XPO6: variants seen among roughly 807,000 people sequenced by gnomAD.
XPO6 encodes exportin 6, also known as exportin-6.
A neutral mutation model predicts 130.0 loss-of-function variants in XPO6; 3 were observed. The ratio of observed to expected loss-of-function variants is 0.02; its 90% confidence interval spans 0.01 to 0.06. The LOEUF (loss-of-function observed/expected upper bound fraction) is 0.06, where lower values mean the gene tolerates loss of function less well. Among genes scored for constraint, XPO6 ranks in the 10% least tolerant of loss-of-function variants. The pLI is 1.00. For synonymous variants in XPO6, 524 were observed against 548.9 expected, an observed-to-expected ratio of 0.95 and a Z score of 0.63; for missense variants, 970 against 1,393.0, an observed-to-expected ratio of 0.70 and a Z score of 4.83.
At chr16:28,181,146 T>C in intron 1 of XPO6, 115 bp from the exon 2 acceptor site, 1 of 730,284 alleles carries the variant, frequency 1.4e-6, no homozygotes, top group Non-Finnish European at 2.2e-6. Flanking sequence ...AAAATCTTGG[T>C]TCAACATTCT....
intron 1 of XPO6, chr16:28,183,253 A>T (rs1182554818): frequency 6.6e-6 from 1 of 152,182 alleles, no homozygotes; most frequent in Non-Finnish European, 1.5e-5. Context: ...TCTCTGCCCC[A>T]ACCCAAGAAG....
intron 1 of XPO6, among the ~76,000 whole-genome samples, chr16:28,208,224 T>C (rs2044064751): frequency 6.6e-6 from 1 of 152,258 alleles, no homozygotes; most frequent in Non-Finnish European, 1.5e-5. Context: ...GTAGTTTTTA[T>C]CACATTACGC....
At chr16:28,177,867 G>T (rs933461820) in intron 2 of XPO6, among the ~76,000 whole-genome samples, 1 of 152,188 alleles carries the variant, frequency 6.6e-6, no homozygotes, top group Non-Finnish European at 1.5e-5. Context: ...TCTTCATTTG[G>T]GTTGGTTTTA....
rs1207582858 is a variant in XPO6 at position 28,101,350 on chromosome 16, G to C, written c.3276+108C>G. The C allele has an allele frequency of 6.1e-6, 6 of 979,112 alleles. No homozygotes were observed. The highest frequency in any genetic ancestry group is 6.4e-6 in the Non-Finnish European group (4 of 624,764). 60.7% of individuals were successfully genotyped at this position (979,112 alleles called of 1,614,324 possible). The stretch of plus-strand genomic sequence containing the variant: ...GAGCTGCCGCCAAGCTGCAGGGTGG[G>C]CACAGACCACGCCCAGAGGCCTCAA... On this transcript the variant is annotated intron_variant, in intron 23 of 23. Transcript: ENST00000304658. The surrounding 1 kb of genome is among the most constrained non-coding windows in gnomAD (Gnocchi z 5.4).
intron 1 of XPO6, among the ~76,000 whole-genome samples, chr16:28,196,558 T>C (rs1011872036): frequency 2.6e-5 from 4 of 152,218 alleles, no homozygotes; most frequent in Admixed American, 6.5e-5. Flanking sequence ...TGACGTTTTA[T>C]GTTATGTGTT....
intron 23 of XPO6, among the ~76,000 whole-genome samples, chr16:28,100,883 G>A (rs1329239914): frequency 5.3e-5 from 8 of 152,148 alleles, no homozygotes; most frequent in African/African-American, 1.9e-4. Flanking sequence ...GGTGGGGACA[G>A]CCCACCTGAC....
intron 6 of XPO6, among the ~76,000 whole-genome samples, chr16:28,158,184 A>C (rs1335165709): frequency 2.6e-5 from 4 of 152,218 alleles, no homozygotes; most frequent in Non-Finnish European, 5.9e-5. Context: ...TCTTACAAGA[A>C]CATGTTACCA....
chr16:28,109,876 T>TA lies in XPO6; in HGVS notation c.2341+1940dup, dbSNP rs1388783703. On this transcript the variant is annotated intron_variant, in intron 17 of 23. Coordinates refer to ENST00000304658, the MANE Select transcript of XPO6 (RefSeq NM_015171.4). ...GTTCTATATAGATACAAAGGTTAAG[T>TA]AGTCAGAGATGAAGTGTCAATTATC... is the stretch of plus-strand genomic sequence containing the variant. Among the ~76,000 whole-genome samples the TA allele has an allele frequency of 3.3e-5, 5 of 152,194 alleles. No individual in the cohort carries two copies. The East Asian group carries it at 9.6e-4, about 29-fold the overall frequency.
intron 4 of XPO6, among the ~76,000 whole-genome samples, chr16:28,172,459 G>A (rs2043464944): frequency 6.6e-6 from 1 of 152,068 alleles, no homozygotes; most frequent in South Asian, 2.1e-4. Context: ...CTAGCCCCAC[G>A]TACAATGTGA....
chr16:28,199,607 C>G (rs756085531), intron 1 of XPO6, among the ~76,000 whole-genome samples: 1 of 149,770 alleles, frequency 6.7e-6, no homozygotes, highest in East Asian at 2.1e-4. Flanking sequence ...TGCTCTGTCA[C>G]CCAGGATAAA....
intron 1 of XPO6, among the ~76,000 whole-genome samples, chr16:28,187,757 C>G (rs2043718248): frequency 6.6e-6 from 1 of 150,454 alleles, no homozygotes. Flanking sequence ...AAATTCAAGA[C>G]AGTAAAAGGA....
chr16:28,195,767 G>C (rs528379646), intron 1 of XPO6, among the ~76,000 whole-genome samples: 1 of 152,172 alleles, frequency 6.6e-6, no homozygotes, highest in South Asian at 2.1e-4. Context: ...GAAAAAGAAA[G>C]AGAGAAAATG....
intron 12 of XPO6, among the ~76,000 whole-genome samples, chr16:28,129,221 C>T (rs781420626): frequency 6.6e-6 from 1 of 152,214 alleles, no homozygotes; most frequent in Non-Finnish European, 1.5e-5. Flanking sequence ...CAGACAATCG[C>T]ATGGGCAATA....
intron 9 of XPO6, among the ~76,000 whole-genome samples, chr16:28,137,171 G>C (rs1173018237): frequency 2.6e-5 from 4 of 152,232 alleles, no homozygotes; most frequent in Non-Finnish European, 5.9e-5. Flanking sequence ...AATGGTCCCA[G>C]TTCGAAAAGA....
chr16:28,199,567 A>G lies in XPO6; in HGVS notation c.3+11799T>C, dbSNP rs959391106. ...GCTGGGATTACAGGAGTGAGCCACCATGCCCGGCCTTTTTATTTTGAGACA... is the reference window on the plus strand; with the variant it reads ...GCTGGGATTACAGGAGTGAGCCACCGTGCCCGGCCTTTTTATTTTGAGACA... On this transcript the variant is annotated intron_variant, in intron 1 of 23. Transcript: ENST00000304658. Among the ~76,000 whole-genome samples the G allele has an allele frequency of 6.6e-5, 10 of 150,926 alleles. No individual in the cohort carries two copies. The East Asian group carries it at 1.2e-3, about 18-fold the overall frequency.
chr16:28,130,679 C>G (rs932528943), intron 12 of XPO6, among the ~76,000 whole-genome samples: 1 of 152,050 alleles, frequency 6.6e-6, no homozygotes, highest in South Asian at 2.1e-4. Context: ...ATGATCCGGA[C>G]GAGCCGAGTT....
rs999514923 is a variant in XPO6 at position 28,187,899 on chromosome 16, A to G, written c.4-6868T>C. 6.6e-5 allele frequency among the ~76,000 whole-genome samples: 10 copies of G among 152,088 alleles called. No individual in the cohort carries two copies. The South Asian group carries it at 1.7e-3, about 25-fold the overall frequency. On this transcript the variant is annotated intron_variant, in intron 1 of 23. Coordinates refer to ENST00000304658, the MANE Select transcript of XPO6 (RefSeq NM_015171.4). Reference sequence around the variant, plus strand: ...CATAAGCAGACTTCTGCTCACACGCAGATTCAATCTGTGTTGAAAAACAGG... The same window carrying G: ...CATAAGCAGACTTCTGCTCACACGCGGATTCAATCTGTGTTGAAAAACAGG...
intron 12 of XPO6, among the ~76,000 whole-genome samples, chr16:28,126,954 C>A (rs777311536): frequency 2.6e-5 from 4 of 152,116 alleles, no homozygotes; most frequent in Admixed American, 6.5e-5. Context: ...GAGACTCACA[C>A]TGGTCATCAC....
chr16:28,124,815 T>C (rs1203355761), intron 13 of XPO6, among the ~76,000 whole-genome samples: 5 of 152,338 alleles, frequency 3.3e-5, no homozygotes, highest in Non-Finnish European at 7.3e-5. Context: ...GATGTGGCAG[T>C]GAAGTCTGGC....
Sources: gnomAD v4.1 joint callset for allele counts (sites outside exome capture counted in the v4.1 genomes callset) on GRCh38, gnomAD v4.1.1 for gene constraint, Gnocchi (gnomAD v3.1) non-coding constraint, MANE v1.5 for transcripts, NCBI Gene and HGNC (gene_info 2026-07-23, HGNC 2026-07-21) for gene names.